The following ZBTB4 variants were observed in gnomAD, a reference collection of about 807,000 sequenced individuals.
ZBTB4 encodes the protein zinc finger and BTB domain-containing protein 4.
A neutral mutation model predicts 59.8 loss-of-function variants in ZBTB4; 14 were observed. The observed-to-expected ratio is 0.23, with a 90% CI of 0.15 to 0.37. The LOEUF (loss-of-function observed/expected upper bound fraction) is 0.37. Among genes scored for constraint, ZBTB4 ranks in the 10% least tolerant of loss-of-function variants. The pLI is 1.00. For missense variants in ZBTB4, 1,198 were observed against 1,380.8 expected (o/e 0.87, Z 2.10); for synonymous variants, 587 against 575.2 (o/e 1.02, Z -0.29).
chr17:7,462,938 C>G lies in ZBTB4; in HGVS notation c.2044G>C (p.Ala682Pro). ...PKRKAGAAGG[A>P]SVGGSGLPRG... The stretch of plus-strand genomic sequence containing the variant: ...GGCAGCCCACTGCCCCCCACACTGG[C>G]ACCTCCAGCAGCTCCAGCCTTGCGC... Residue 682 changes from alanine to proline, a missense_variant, in exon 4 of 4, where the codon GCC becomes CCC. Transcript: ENST00000380599. The surrounding 1 kb of genome is among the most constrained non-coding windows in gnomAD (Gnocchi z 7.5). 1 of 1,608,576 alleles carries G rather than the reference C, an allele frequency of 6.2e-7. No homozygotes were observed. The highest frequency in any genetic ancestry group is 8.5e-7 in the Non-Finnish European group (1 of 1,178,462).
chr17:7,475,788 A>T (rs923751301), intron 1 of ZBTB4, among the ~76,000 whole-genome samples: 1 of 152,088 alleles, frequency 6.6e-6, no homozygotes, highest in East Asian at 1.9e-4. Context: ...AGAGGGATAT[A>T]CCTTACTCGA....
chr17:7,466,865 G>A lies in ZBTB4; in HGVS notation c.-9-55C>T. The stretch of plus-strand genomic sequence containing the variant: ...GTCTCAGAGGCTGGGCAGAGGGCAG[G>A]GGCTTCTAAAATCAGGCAGAGAGAG... On this transcript the variant is annotated intron_variant, in intron 2 of 3. Coordinates refer to ENST00000380599, the MANE Select transcript of ZBTB4 (RefSeq NM_001128833.2). This position sits in a 1 kb window ranked among gnomAD's most constrained non-coding sequence, Gnocchi z 9.1. The A allele has an allele frequency of 6.9e-7, 1 of 1,449,832 alleles. No homozygotes were observed. Among genetic ancestry groups the A allele is most frequent in the South Asian group, 1.4e-5 (1 of 70,392 alleles). The allele number at this position is 1,449,832 out of a possible 1,614,324, so 89.8% of individuals were successfully genotyped here.
chr17:7,483,709 G>A (rs1188568161), upstream of ZBTB4, among the ~76,000 whole-genome samples: 7 of 152,104 alleles, frequency 4.6e-5, no homozygotes, highest in African/African-American at 1.7e-4. Flanking sequence ...GGATTGTCGC[G>A]GTCCCGTGAT....
chr17:7,463,994 C>T (rs1039123838), intron 3 of ZBTB4, 104 bp from the exon 4 acceptor site: 29 of 1,500,258 alleles, frequency 1.9e-5, no homozygotes, highest in Non-Finnish European at 2.3e-5. Flanking sequence ...CCTGTGACTC[C>T]CGTAGCCTTG....
chr17:7,483,689 T>C (rs1030772412), upstream of ZBTB4, among the ~76,000 whole-genome samples: 5 of 152,342 alleles, frequency 3.3e-5, no homozygotes, highest in East Asian at 3.9e-4. Context: ...ATGGCTAATC[T>C]GCTTTTCTCG....
At position 7,461,445 on chromosome 17, in the gene ZBTB4, G is replaced by C. The variant is rs930149683; in HGVS notation, c.*495C>G. 3 of 153,046 alleles carry C rather than the reference G, an allele frequency of 2.0e-5. No homozygotes were observed. Among genetic ancestry groups the C allele is most frequent in the African/African-American group, 7.2e-5 (3 of 41,458 alleles). 9.5% of individuals were successfully genotyped at this position (153,046 alleles called of 1,614,324 possible). On this transcript the variant is annotated 3_prime_UTR_variant, in exon 4 of 4. Coordinates refer to ENST00000380599, the MANE Select transcript of ZBTB4 (RefSeq NM_001128833.2). ...CAAAGCCACACTCCCAGGTGGGCGG[G>C]GTCAGGTATCACAATGGTCTGGTCC...
At chr17:7,473,021 C>G (rs975318893) in intron 1 of ZBTB4, among the ~76,000 whole-genome samples, 9 of 151,222 alleles carry the variant, frequency 6.0e-5, no homozygotes, top group African/African-American at 2.2e-4. Flanking sequence ...GTGGCACAAT[C>G]TTGGCTCACT....
chr17:7,463,009 C>T lies in ZBTB4; in HGVS notation c.1973G>A (p.Gly658Asp), dbSNP rs1489742049. The change falls in exon 4 of 4, where the codon GGT (glycine) becomes GAT (aspartate). Residue 658 changes from glycine to aspartate, a missense_variant. Physicochemically the swap from Gly to Asp is moderately conservative, Grantham distance 94. Coordinates refer to ENST00000380599, the MANE Select transcript of ZBTB4 (RefSeq NM_001128833.2). ...EEEDEEESKAGGEDQLWRPYY... is the reference protein window; with the variant it reads ...EEEDEEESKADGEDQLWRPYY... ...GGGCCTCCAGAGCTGGTCCTCCCCA[C>T]CAGCCTTTGATTCCTCCTCATCCTC... The T allele has an allele frequency of 1.2e-6, 2 of 1,610,864 alleles. No homozygotes were observed. Among genetic ancestry groups the T allele is most frequent in the South Asian group, 1.1e-5 (1 of 90,818 alleles).
chr17:7,464,017 C>T lies in ZBTB4; in HGVS notation c.1092-127G>A. On this transcript the variant is annotated intron_variant, in intron 3 of 3. Coordinates refer to ENST00000380599, the MANE Select transcript of ZBTB4 (RefSeq NM_001128833.2). ...TCCCGTAGCCTTGTGCTGCCTCCCT[C>T]ACCAGGCCAGCCTCAGTGCAGGGTG... 7 of 1,464,476 alleles carry T rather than the reference C, an allele frequency of 4.8e-6. No individual in the cohort carries two copies. In the South Asian group the frequency reaches 8.4e-5, roughly 18 times the overall value. 90.7% of individuals were successfully genotyped at this position (1,464,476 alleles called of 1,614,324 possible).
intron 1 of ZBTB4, among the ~76,000 whole-genome samples, chr17:7,473,450 G>A (rs1281909787): frequency 6.6e-6 from 1 of 151,878 alleles, no homozygotes; most frequent in Admixed American, 6.6e-5. Flanking sequence ...AGTAGAGATG[G>A]GGTTTCACCA....
At chr17:7,476,532 A>G (rs184250018) in intron 1 of ZBTB4, among the ~76,000 whole-genome samples, 90 of 152,252 alleles carry the variant, frequency 5.9e-4, no homozygotes, top group African/African-American at 2.1e-3. Context: ...CAGCTTCTAC[A>G]TGACCCACAC....
intron 1 of ZBTB4, among the ~76,000 whole-genome samples, chr17:7,469,679 T>G (rs1597773565): frequency 6.6e-6 from 1 of 151,504 alleles, no homozygotes; most frequent in Non-Finnish European, 1.5e-5. Flanking sequence ...GTAGGAGAAT[T>G]GCTGGAACCC....
upstream of ZBTB4, chr17:7,481,421 A>C: frequency 7.3e-7 from 1 of 1,372,856 alleles, no homozygotes; most frequent in Non-Finnish European, 9.4e-7. Context: ...GTTCCAGGGA[A>C]GAACCCCACC....
Position 7,477,348 on chromosome 17 carries a change from G to C in ZBTB4, c.-81+2108C>G, listed in dbSNP as rs1022969803. ...CTTCCTTCAGATCAAGTGCCAGTGA[G>C]GGAATGGTAAAGACGCCAGAGCTCC... On this transcript the variant is annotated intron_variant, in intron 1 of 3. Coordinates refer to ENST00000380599, the MANE Select transcript of ZBTB4 (RefSeq NM_001128833.2). 2.6e-5 allele frequency among the ~76,000 whole-genome samples: 4 copies of C among 152,340 alleles called. No homozygotes were observed. In the South Asian group the frequency reaches 8.3e-4, roughly 32 times the overall value.
chr17:7,473,252 A>G (rs1411262020), intron 1 of ZBTB4, among the ~76,000 whole-genome samples: 1 of 151,494 alleles, frequency 6.6e-6, no homozygotes, highest in Admixed American at 6.6e-5. Flanking sequence ...AGCTGGGACT[A>G]CAGGCACCCA....
At chr17:7,465,665 T>C (rs1210189555) in intron 3 of ZBTB4, 46 bp downstream of exon 3, 12 of 1,552,342 alleles carry the variant, frequency 7.7e-6, no homozygotes, top group Non-Finnish European at 7.0e-6. Context: ...CTATGACCGC[T>C]GAGTGCCAGC....
intron 1 of ZBTB4, among the ~76,000 whole-genome samples, chr17:7,470,109 G>C (rs759483812): frequency 6.6e-6 from 1 of 151,902 alleles, no homozygotes; most frequent in Non-Finnish European, 1.5e-5. Context: ...TAAAATGACA[G>C]ACCATGGGCT....
At chr17:7,475,712 A>G in intron 1 of ZBTB4, among the ~76,000 whole-genome samples, 1 of 152,202 alleles carries the variant, frequency 6.6e-6, no homozygotes. Flanking sequence ...TTCTGGGATT[A>G]CAGGCATGGG....
intron 1 of ZBTB4, among the ~76,000 whole-genome samples, chr17:7,477,891 C>T (rs1006299160): frequency 3.3e-5 from 5 of 152,176 alleles, no homozygotes; most frequent in African/African-American, 1.2e-4. Flanking sequence ...GACCCTGACA[C>T]GCTGGGCAGG....
Sources: gnomAD v4.1 joint callset for allele counts (sites outside exome capture counted in the v4.1 genomes callset) on GRCh38, gnomAD v4.1.1 for gene constraint, Gnocchi (gnomAD v3.1) non-coding constraint, MANE v1.5 for transcripts, NCBI Gene and HGNC (gene_info 2026-07-23, HGNC 2026-07-21) for gene names.